The following GPR132 variants were observed in gnomAD, a reference collection of about 807,000 sequenced individuals.
The protein encoded by GPR132 is G protein-coupled receptor 132.
GPR132 carries 4 observed loss-of-function variants against 1.9 expected under a neutral mutation model. The observed-to-expected ratio is 2.13, with a 90% CI of 1.05 to 4.87. The LOEUF is 4.87. Ranked by LOEUF, GPR132 falls within the 30% of genes most tolerant of loss-of-function variation. GPR132 has a pLI of 0.01. For missense variants in GPR132, 404 were observed against 512.5 expected (o/e 0.79, Z 2.04); for synonymous variants, 233 against 234.2 (o/e 0.99, Z 0.05).
intron 3 of GPR132, among the ~76,000 whole-genome samples, chr14:105,052,751 G>A (rs932593619): frequency 3.3e-5 from 5 of 150,126 alleles, no homozygotes; most frequent in African/African-American, 9.8e-5. Context: ...GAGGTCAGGC[G>A]TTTGAGACCA....
rs1886894490 is a variant in GPR132 at position 105,059,803 on chromosome 14, G to A, written c.-860-2523C>T. ...CTTTAGCAAATAAACCTCCTAAAATGATTGAGACTTGTCTCGACGTTTTTT... is the reference window on the plus strand; with the variant it reads ...CTTTAGCAAATAAACCTCCTAAAATAATTGAGACTTGTCTCGACGTTTTTT... On this transcript the variant is annotated intron_variant, in intron 1 of 3. Coordinates refer to ENST00000329797, the MANE Select transcript of GPR132 (RefSeq NM_013345.4). This position sits in a 1 kb window ranked among gnomAD's most constrained non-coding sequence, Gnocchi z 4.2. Among the ~76,000 whole-genome samples, 1 of 152,228 alleles carries A rather than the reference G, an allele frequency of 6.6e-6. No homozygotes were observed. The highest frequency in any genetic ancestry group is 2.4e-5 in the African/African-American group (1 of 41,462).
chr14:105,064,441 C>G (rs1199040646), intron 1 of GPR132, among the ~76,000 whole-genome samples: 1 of 152,196 alleles, frequency 6.6e-6, no homozygotes, highest in Non-Finnish European at 1.5e-5. Flanking sequence ...TCAAGCGATT[C>G]TCCTGCCTCG....
rs139284087 is a variant in GPR132 at position 105,052,023 on chromosome 14, G to A, written c.114C>T (p.Phe38=). Residue 38 remains phenylalanine (F), a synonymous_variant, in exon 4 of 4, where the codon TTC becomes TTT. Coordinates refer to ENST00000329797, the MANE Select transcript of GPR132 (RefSeq NM_013345.4). The part of the protein sequence containing the change: ...LSAKTCNNVS[F]EESRIVLVVV... ...CGACCAGGACTATCCTGCTCTCTTC[G>A]AAGGACACGTTGTTGCAGGTCTTGG... 655 of 1,610,218 alleles carry A rather than the reference G, an allele frequency of 4.1e-4. 4 individuals carry two copies. The African/African-American group carries it at 7.7e-3, about 19-fold the overall frequency.
chr14:105,062,276 A>G (rs1886964052), intron 1 of GPR132, among the ~76,000 whole-genome samples: 2 of 151,842 alleles, frequency 1.3e-5, no homozygotes, highest in Non-Finnish European at 2.9e-5. Context: ...GCCCCTCATC[A>G]CCCAGCCTCC....
intron 3 of GPR132, chr14:105,053,917 G>A: frequency 8.8e-7 from 1 of 1,135,000 alleles, no homozygotes; most frequent in South Asian, 1.7e-5. Context: ...AGATCAAAGT[G>A]ATCTCAGCAA....
At position 105,051,846 on chromosome 14, in the gene GPR132, G is replaced by C; in HGVS notation, c.291C>G (p.Leu97=). 1 of 1,614,044 alleles carries C rather than the reference G, an allele frequency of 6.2e-7. No individual in the cohort carries two copies. The highest frequency in any genetic ancestry group is 8.5e-7 in the Non-Finnish European group (1 of 1,180,042). Residue 97 remains leucine (L), a synonymous_variant, in exon 4 of 4, where the codon CTC becomes CTG. Coordinates refer to ENST00000329797, the MANE Select transcript of GPR132 (RefSeq NM_013345.4). The surrounding 1 kb of genome is among the most constrained non-coding windows in gnomAD (Gnocchi z 8.0). ...GCTGGTTGCGGATATAGATGACCCA[G>C]AGTGGCAGCGTGCCTGTGTACAGCA... The part of the protein sequence containing the change: ...CELLYTGTLP[L]WVIYIRNQHR...
In GPR132 at chr14:105,057,076, G is replaced by A. The variant is rs144268204; in HGVS notation, c.-747+91C>T. 735 of 892,312 alleles carry A rather than the reference G, an allele frequency of 8.2e-4. 4 individuals are homozygous for A. In the African/African-American group the frequency reaches 9.2e-3, roughly 11 times the overall value. 55.3% of individuals were successfully genotyped at this position (892,312 alleles called of 1,614,324 possible). On this transcript the variant is annotated intron_variant, in intron 2 of 3. Transcript: ENST00000329797. ...TTATCTCGATAATCTATTTTTATGCGTTAATTTTTGAATTATGAGACAACA... is the reference window on the plus strand; with the variant it reads ...TTATCTCGATAATCTATTTTTATGCATTAATTTTTGAATTATGAGACAACA...
rs952293895 is a variant in GPR132 at position 105,049,603 on chromosome 14, G to A, written c.*1391C>T. 6.6e-6 allele frequency: 1 copy of A among 151,934 alleles called. No individual in the cohort carries two copies. The allele number at this position is 151,934 out of a possible 1,614,324, so 9.4% of individuals were successfully genotyped here. A position where few individuals can be genotyped will look rare whatever the true frequency, so the allele number is the denominator to read the frequency against. On this transcript the variant is annotated 3_prime_UTR_variant, in exon 4 of 4. Transcript: ENST00000329797. ...ACACATTTTCCTAATGTATTTTTCT[G>A]ATGACTCTCAAGGGGAGGATGGCTG...
In GPR132 at chr14:105,055,222, G is replaced by T. The variant is rs1401795852; in HGVS notation, c.34+165C>A. The stretch of plus-strand genomic sequence containing the variant: ...GGCACCTGTAATCCCAGCTACTTGG[G>T]AGGCTGATGCAGGAGAATCCCTTGA... On this transcript the variant is annotated intron_variant, in intron 3 of 3. Coordinates refer to ENST00000329797, the MANE Select transcript of GPR132 (RefSeq NM_013345.4). The surrounding 1 kb of genome is among the most constrained non-coding windows in gnomAD (Gnocchi z 4.7). Among the ~76,000 whole-genome samples the T allele has an allele frequency of 2.6e-5, 4 of 151,774 alleles. No individual in the cohort carries two copies. Among genetic ancestry groups the T allele is most frequent in the Non-Finnish European group, 5.9e-5 (4 of 67,976 alleles).
chr14:105,055,411 T>C lies in GPR132; in HGVS notation c.10A>G (p.Met4Val). 2.6e-6 allele frequency: 2 copies of C among 780,978 alleles called. No homozygotes were observed. Among genetic ancestry groups the C allele is most frequent in the Non-Finnish European group, 2.4e-6 (1 of 418,058 alleles). The allele number at this position is 780,978 out of a possible 1,614,324, so 48.4% of individuals were successfully genotyped here. ...CCATTGTAACCGTTTTTCAGTAGCA[T>C]TGGGCACATTCACATTCTTCTGCAA... MCP[M>V]LLKNGYNGNA... is the part of the protein sequence containing the mutation. The change falls in exon 3 of 4, where the codon ATG becomes GTG. Residue 4 changes from methionine (M) to valine (V), a missense_variant. By Grantham distance (21) the Met-to-Val change is conservative. Coordinates refer to ENST00000329797, the MANE Select transcript of GPR132 (RefSeq NM_013345.4). This position sits in a 1 kb window ranked among gnomAD's most constrained non-coding sequence, Gnocchi z 4.7.
intron 1 of GPR132, among the ~76,000 whole-genome samples, chr14:105,062,486 T>G (rs375628941): frequency 6.6e-5 from 10 of 152,310 alleles, no homozygotes; most frequent in African/African-American, 1.2e-4. Flanking sequence ...TCTCTTTCTT[T>G]TTTTCTTTTG....
chr14:105,061,756 C>A (rs1886950071), intron 1 of GPR132, among the ~76,000 whole-genome samples: 1 of 152,106 alleles, frequency 6.6e-6, no homozygotes, highest in Admixed American at 6.5e-5. Flanking sequence ...GGGGGGGAGT[C>A]CCTCCTGGGC....
rs1398400217 is a variant in GPR132 at position 105,051,486 on chromosome 14, G to A, written c.651C>T (p.Phe217=). The change falls in exon 4 of 4, where the codon TTC becomes TTT. Residue 217 remains phenylalanine, a synonymous_variant. Coordinates refer to ENST00000329797, the MANE Select transcript of GPR132 (RefSeq NM_013345.4). This position sits in a 1 kb window ranked among gnomAD's most constrained non-coding sequence, Gnocchi z 8.0. The part of the protein sequence containing the change: ...GFAIPLSIIA[F]TNHRIFRSIK... ...TGCTCCTGAAAATCCGGTGGTTGGT[G>A]AAGGCGATGATGGAGAGAGGGATGG... 1 of 1,614,056 alleles carries A rather than the reference G, an allele frequency of 6.2e-7. No individual in the cohort carries two copies. Among genetic ancestry groups the A allele is most frequent in the Admixed American group, 1.7e-5 (1 of 60,024 alleles).
chr14:105,052,372 G>A (rs539017399), intron 3 of GPR132, among the ~76,000 whole-genome samples: 1 of 152,052 alleles, frequency 6.6e-6, no homozygotes. Flanking sequence ...TTGTGGCCCA[G>A]GTTGGAGTGC....
chr14:105,055,571 G>A lies in GPR132; in HGVS notation c.-151C>T, dbSNP rs1886769482. 2.9e-6 allele frequency: 2 copies of A among 700,838 alleles called. No homozygotes were observed. The highest frequency in any genetic ancestry group is 5.3e-6 in the Non-Finnish European group (2 of 377,622). The allele number at this position is 700,838 out of a possible 1,614,324, so 43.4% of individuals were successfully genotyped here. On this transcript the variant is annotated 5_prime_UTR_variant, in exon 3 of 4. Coordinates refer to ENST00000329797, the MANE Select transcript of GPR132 (RefSeq NM_013345.4). This position sits in a 1 kb window ranked among gnomAD's most constrained non-coding sequence, Gnocchi z 4.7. ...TTGTCTCTGTGCGCTGGGCTCCCCTGTCACCTCCCCACGTGGGTGGGCATC... is the reference window on the plus strand; with the variant it reads ...TTGTCTCTGTGCGCTGGGCTCCCCTATCACCTCCCCACGTGGGTGGGCATC...
intron 1 of GPR132, among the ~76,000 whole-genome samples, chr14:105,058,660 C>T (rs1318211011): frequency 1.3e-5 from 2 of 152,218 alleles, no homozygotes; most frequent in African/African-American, 4.8e-5. Flanking sequence ...CCTGGCTACC[C>T]GAGGTGTGAC....
In GPR132 at chr14:105,051,399, C is replaced by T. The variant is rs753704219; in HGVS notation, c.738G>A (p.Ala246=). 3.4e-5 allele frequency: 55 copies of T among 1,614,032 alleles called. No homozygotes were observed. Among genetic ancestry groups the T allele is most frequent in the South Asian group, 1.8e-4 (16 of 91,090 alleles). ...QKAKVKHSAI[A]VVVIFLVCFA... The stretch of plus-strand genomic sequence containing the variant: ...AGCAGACTAGGAAGATGACAACCAC[C>T]GCGATGGCCGAGTGCTTCACCTTGG... The change falls in exon 4 of 4, where the codon GCG becomes GCA. Residue 246 remains alanine (A), a synonymous_variant. Transcript: ENST00000329797. The surrounding 1 kb of genome is among the most constrained non-coding windows in gnomAD (Gnocchi z 8.0).
In GPR132 at chr14:105,060,646, C is replaced by T. The variant is rs556521133; in HGVS notation, c.-860-3366G>A. 2.6e-5 allele frequency among the ~76,000 whole-genome samples: 4 copies of T among 152,316 alleles called. No individual in the cohort carries two copies. The South Asian group carries it at 8.3e-4, about 32-fold the overall frequency. On this transcript the variant is annotated intron_variant, in intron 1 of 3. Coordinates refer to ENST00000329797, the MANE Select transcript of GPR132 (RefSeq NM_013345.4). This position sits in a 1 kb window ranked among gnomAD's most constrained non-coding sequence, Gnocchi z 6.3. Reference sequence around the variant, plus strand: ...GAGCCACTGCCTGAGGCCCCTGGGCCCCATCAGAACGCCTGAGCCGCCCAG... The same window carrying T: ...GAGCCACTGCCTGAGGCCCCTGGGCTCCATCAGAACGCCTGAGCCGCCCAG...
intron 1 of GPR132, among the ~76,000 whole-genome samples, chr14:105,061,713 T>C (rs2140936103): frequency 6.6e-6 from 1 of 152,170 alleles, no homozygotes; most frequent in African/African-American, 2.4e-5. Context: ...TCCTGTGTTG[T>C]TCCACTCAGG....
Sources: gnomAD v4.1 joint callset for allele counts (sites outside exome capture counted in the v4.1 genomes callset) on GRCh38, gnomAD v4.1.1 for gene constraint, Gnocchi (gnomAD v3.1) non-coding constraint, MANE v1.5 for transcripts, NCBI Gene and HGNC (gene_info 2026-07-23, HGNC 2026-07-21) for gene names.